Variants in DAB1 observed in about 807,000 individuals in gnomAD.
DAB1 encodes the protein disabled homolog 1.
In DAB1, 15 loss-of-function variants were observed where a neutral mutation model predicts 64.6. That is an observed-to-expected ratio of 0.23 (90% CI 0.16 to 0.36). The LOEUF is 0.36. Among genes scored for constraint, DAB1 ranks in the 10% least tolerant of loss-of-function variants. The pLI is 1.00. For synonymous variants in DAB1, 235 were observed against 251.9 expected (o/e 0.93, Z 0.64); for missense variants, 596 against 706.7 (o/e 0.84, Z 1.78).
At chr1:57,014,665 T>C (rs1028393218) in intron 12 of DAB1, among the ~76,000 whole-genome samples, 3 of 152,198 alleles carry the variant, frequency 2.0e-5, no homozygotes, top group Middle Eastern at 3.2e-3. Flanking sequence ...TAAGCATTAT[T>C]ATAAGTCTAA....
intron 3 of DAB1, among the ~76,000 whole-genome samples, chr1:58,399,178 G>C (rs1001875151): frequency 2.6e-5 from 4 of 152,226 alleles, no homozygotes; most frequent in African/African-American, 9.6e-5. Context: ...ATAATTCAGA[G>C]TACTTAATTT....
chr1:58,306,528 T>C (rs951065873), intron 4 of DAB1, among the ~76,000 whole-genome samples: 4 of 152,114 alleles, frequency 2.6e-5, no homozygotes, highest in East Asian at 3.9e-4. Context: ...AAGATACTAA[T>C]AGCTTCCCAT....
intron 1 of DAB1, among the ~76,000 whole-genome samples, chr1:57,848,098 G>A (rs1224369398): frequency 6.6e-6 from 1 of 152,166 alleles, no homozygotes; most frequent in Non-Finnish European, 1.5e-5. Flanking sequence ...CCCCTTTCAA[G>A]TATTATGTTA....
At chr1:57,841,746 CATT>C (rs544173318) in intron 1 of DAB1, among the ~76,000 whole-genome samples, 7 of 152,186 alleles carry the variant, frequency 4.6e-5, no homozygotes, top group Non-Finnish European at 1.0e-4. Flanking sequence ...TCCCCAAAAC[CATT>C]TTTCCCTCCT....
intron 5 of DAB1, among the ~76,000 whole-genome samples, chr1:58,107,225 C>G (rs1270809801): frequency 6.7e-6 from 1 of 149,976 alleles, no homozygotes. Flanking sequence ...CTTTGGGAGG[C>G]TGAGGTAGGT....
intron 7 of DAB1, among the ~76,000 whole-genome samples, chr1:57,606,633 T>TTATATATTA (rs1211119481): frequency 1.0e-5 from 1 of 96,316 alleles, no homozygotes; most frequent in African/African-American, 4.0e-5. Context: ...ATGAAATATA[T>TTATATATTA]TATATATGAA....
chr1:57,009,528 A>T (rs1230911976), intron 14 of DAB1, among the ~76,000 whole-genome samples: 1 of 152,218 alleles, frequency 6.6e-6, no homozygotes, highest in Non-Finnish European at 1.5e-5. Context: ...GTGGGCTAAG[A>T]CTAATTCTGA....
At chr1:57,087,673 T>C (rs1244357455) in intron 4 of DAB1, among the ~76,000 whole-genome samples, 1 of 152,214 alleles carries the variant, frequency 6.6e-6, no homozygotes, top group Non-Finnish European at 1.5e-5. Context: ...GTTTCAGGGT[T>C]GAGCCACTGA....
intron 5 of DAB1, among the ~76,000 whole-genome samples, chr1:58,148,900 C>T (rs749406086): frequency 6.6e-6 from 1 of 152,108 alleles, no homozygotes; most frequent in Non-Finnish European, 1.5e-5. Context: ...TATCAATCAT[C>T]AAATAGACCA....
intron 6 of DAB1, among the ~76,000 whole-genome samples, chr1:57,660,855 C>A (rs1646378240): frequency 6.6e-6 from 1 of 152,180 alleles, no homozygotes; most frequent in Admixed American, 6.5e-5. Context: ...TTGATTGAGG[C>A]CTTTACTGTG....
intron 5 of DAB1, among the ~76,000 whole-genome samples, chr1:57,990,833 G>A (rs1356433634): frequency 6.6e-6 from 1 of 152,176 alleles, no homozygotes; most frequent in East Asian, 1.9e-4. Flanking sequence ...AGAGATCAAT[G>A]AGAAGGCCAG....
chr1:58,309,144 A>T (rs1234788445), intron 4 of DAB1, among the ~76,000 whole-genome samples: 1 of 152,152 alleles, frequency 6.6e-6, no homozygotes, highest in Non-Finnish European at 1.5e-5. Context: ...TTTCTTTGTG[A>T]AGTATTGTGA....
chr1:58,169,944 T>A (rs965761966), intron 4 of DAB1, among the ~76,000 whole-genome samples: 3 of 152,184 alleles, frequency 2.0e-5, no homozygotes, highest in African/African-American at 7.2e-5. Context: ...TTTCAGATGA[T>A]CCTGATAGGT....
At chr1:57,129,491 G>A (rs1292760677) in intron 4 of DAB1, among the ~76,000 whole-genome samples, 1 of 152,078 alleles carries the variant, frequency 6.6e-6, no homozygotes, top group African/African-American at 2.4e-5. Context: ...TACACAAAGA[G>A]TATGGGGGTG....
intron 5 of DAB1, among the ~76,000 whole-genome samples, chr1:58,019,043 C>T (rs1429899522): frequency 6.6e-6 from 1 of 152,144 alleles, no homozygotes; most frequent in African/African-American, 2.4e-5. Context: ...GGCTGCATGA[C>T]CTTGAGATAA....
chr1:58,175,895 T>C (rs868258746), intron 4 of DAB1, among the ~76,000 whole-genome samples: 10 of 152,182 alleles, frequency 6.6e-5, no homozygotes, highest in Admixed American at 5.9e-4. Flanking sequence ...TCTATATGTG[T>C]CACACCATAA....
intron 4 of DAB1, among the ~76,000 whole-genome samples, chr1:57,094,031 C>T (rs1653928450): frequency 6.6e-6 from 1 of 150,874 alleles, no homozygotes; most frequent in East Asian, 2.0e-4. Flanking sequence ...ATCACTTGAA[C>T]CCAGGAGGTG....
chr1:57,552,674 C>T (rs890562407), intron 7 of DAB1, among the ~76,000 whole-genome samples: 4 of 152,160 alleles, frequency 2.6e-5, no homozygotes, highest in African/African-American at 9.7e-5. Flanking sequence ...ACAAAAGATA[C>T]ACTTTTAAGG....
chr1:58,267,827 T>G (rs1214571892), intron 4 of DAB1, among the ~76,000 whole-genome samples: 2 of 152,214 alleles, frequency 1.3e-5, no homozygotes, highest in African/African-American at 2.4e-5. Flanking sequence ...TCTATTTAGA[T>G]CATTGGACTT....
Sources: gnomAD v4.1 joint callset for allele counts (sites outside exome capture counted in the v4.1 genomes callset) on GRCh38, gnomAD v4.1.1 for gene constraint, MANE v1.5 for transcripts, NCBI Gene and HGNC (gene_info 2026-07-23, HGNC 2026-07-21) for gene names.